The following ZNF804B variants were observed in gnomAD, a reference collection of about 807,000 sequenced individuals.
ZNF804B encodes the protein zinc finger protein 804B.
A neutral mutation model predicts 101.4 loss-of-function variants in ZNF804B; 80 were observed. That is an observed-to-expected ratio of 0.79 (90% confidence interval 0.66 to 0.95). The LOEUF (loss-of-function observed/expected upper bound fraction) is 0.95. Among genes scored for constraint, ZNF804B ranks in the 40% least tolerant of loss-of-function variants. ZNF804B has a pLI of 0.00. For synonymous variants in ZNF804B, 622 were observed against 558.8 expected (o/e 1.11, Z -1.59); for missense variants, 1,673 against 1,561.9 (o/e 1.07, Z -1.20).
At chr7:89,137,603 G>C (rs749341054) in intron 1 of ZNF804B, among the ~76,000 whole-genome samples, 3 of 152,118 alleles carry the variant, frequency 2.0e-5, no homozygotes, top group Non-Finnish European at 4.4e-5. Flanking sequence ...TTTAAGAGGT[G>C]ACTTGGGTGC....
intron 2 of ZNF804B, among the ~76,000 whole-genome samples, chr7:89,294,753 C>CAT (rs1410533296): frequency 1.3e-5 from 2 of 151,800 alleles, no homozygotes; most frequent in African/African-American, 2.4e-5. Context: ...TACTATTTTT[C>CAT]ATATATATTA....
chr7:89,173,783 C>G (rs1791275836), intron 1 of ZNF804B, among the ~76,000 whole-genome samples: 1 of 151,814 alleles, frequency 6.6e-6, no homozygotes, highest in Non-Finnish European at 1.5e-5. Flanking sequence ...AGCTGTATAT[C>G]TAATCAACAC....
intron 1 of ZNF804B, among the ~76,000 whole-genome samples, chr7:88,860,427 G>A (rs1436686644): frequency 6.6e-6 from 1 of 151,900 alleles, no homozygotes; most frequent in Non-Finnish European, 1.5e-5. Flanking sequence ...GGATTTATTT[G>A]CATATTTTTA....
At chr7:88,840,253 T>G (rs2115803032) in intron 1 of ZNF804B, among the ~76,000 whole-genome samples, 1 of 152,246 alleles carries the variant, frequency 6.6e-6, no homozygotes, top group Non-Finnish European at 1.5e-5. Flanking sequence ...CTTCAATCAG[T>G]TGTTCATCTA....
intron 1 of ZNF804B, among the ~76,000 whole-genome samples, chr7:89,155,689 C>A (rs1395165436): frequency 6.6e-6 from 1 of 152,128 alleles, no homozygotes; most frequent in Admixed American, 6.5e-5. Context: ...ACTTCAAGCA[C>A]CCTGAATTCT....
At chr7:89,014,034 T>C (rs1232691660) in intron 1 of ZNF804B, among the ~76,000 whole-genome samples, 1 of 152,178 alleles carries the variant, frequency 6.6e-6, no homozygotes, top group Non-Finnish European at 1.5e-5. Flanking sequence ...AGATATGTCT[T>C]TGATATTTTT....
intron 2 of ZNF804B, among the ~76,000 whole-genome samples, chr7:89,256,536 C>T (rs1789633835): frequency 6.7e-6 from 1 of 149,272 alleles, no homozygotes; most frequent in African/African-American, 2.5e-5. Flanking sequence ...CAGAGCAAGA[C>T]TGTCAAAAAA....
At chr7:89,270,939 T>C (rs1328242751) in intron 2 of ZNF804B, among the ~76,000 whole-genome samples, 5 of 152,216 alleles carry the variant, frequency 3.3e-5, no homozygotes, top group Non-Finnish European at 5.9e-5. Context: ...TTTGCTGAAG[T>C]TGCTTGTCAG....
At chr7:89,043,287 G>A (rs567819125) in intron 1 of ZNF804B, among the ~76,000 whole-genome samples, 54 of 152,248 alleles carry the variant, frequency 3.5e-4, no homozygotes, top group African/African-American at 1.3e-3. Flanking sequence ...TGACTCAGTC[G>A]CATCACTTAA....
chr7:89,312,819 G>GAA (rs112158486), intron 2 of ZNF804B, among the ~76,000 whole-genome samples: 5 of 96,386 alleles, frequency 5.2e-5, no homozygotes, highest in African/African-American at 1.8e-4. Flanking sequence ...ATCAAGAAAA[G>GAA]AAAAAAAAAA....
chr7:89,074,291 T>C (rs1331019758), intron 1 of ZNF804B, among the ~76,000 whole-genome samples: 3 of 152,198 alleles, frequency 2.0e-5, no homozygotes, highest in Non-Finnish European at 4.4e-5. Context: ...AAAAAATCAA[T>C]AATATAGTTT....
At chr7:88,877,156 T>C (rs11971650) in intron 1 of ZNF804B, among the ~76,000 whole-genome samples, 60,621 of 140,358 alleles carry the variant, frequency 0.43, 14,324 homozygotes, top group African/African-American at 0.63. Flanking sequence ...ACCTCCCAGG[T>C]TCAAGTGATT....
chr7:89,169,272 A>G (rs1158153250), intron 1 of ZNF804B, among the ~76,000 whole-genome samples: 1 of 152,086 alleles, frequency 6.6e-6, no homozygotes, highest in Admixed American at 6.6e-5. Context: ...GATTTAATAG[A>G]GTGAAAACAG....
intron 1 of ZNF804B, among the ~76,000 whole-genome samples, chr7:88,935,301 C>A (rs968792308): frequency 6.6e-6 from 1 of 150,576 alleles, no homozygotes; most frequent in Non-Finnish European, 1.5e-5. Context: ...TCAGAAATCA[C>A]CACTAAAGAA....
intron 1 of ZNF804B, among the ~76,000 whole-genome samples, chr7:89,194,552 T>G (rs11975757): frequency 6.7e-6 from 1 of 148,154 alleles, no homozygotes; most frequent in East Asian, 1.9e-4. Context: ...TTTCCCAGCA[T>G]CATTTATTAA....
At chr7:88,777,846 T>TAAAAAA (rs3084379) in intron 1 of ZNF804B, among the ~76,000 whole-genome samples, 2 of 107,586 alleles carry the variant, frequency 1.9e-5, no homozygotes, top group African/African-American at 3.5e-5. Flanking sequence ...AGACTCCATC[T>TAAAAAA]AAAAAAAAAA....
At chr7:89,046,931 T>C (rs1667768730) in intron 1 of ZNF804B, among the ~76,000 whole-genome samples, 1 of 152,164 alleles carries the variant, frequency 6.6e-6, no homozygotes, top group Non-Finnish European at 1.5e-5. Flanking sequence ...TTATTTATTT[T>C]AATAGCTTTC....
At chr7:89,328,533 A>G (rs909680279) in intron 3 of ZNF804B, among the ~76,000 whole-genome samples, 1 of 151,868 alleles carries the variant, frequency 6.6e-6, no homozygotes. Context: ...CAACGCATAC[A>G]TTTGGTACTG....
Position 89,278,792 on chromosome 7 carries a change from C to A in ZNF804B, c.250-48552C>A, listed in dbSNP as rs1368136028. Reference sequence around the variant, plus strand: ...TTTGAAGTCAGGTAGCATGATGCCTCCAGCTTTGTTCTTTTGGCTTAGGAT... The same window carrying A: ...TTTGAAGTCAGGTAGCATGATGCCTACAGCTTTGTTCTTTTGGCTTAGGAT... On this transcript the variant is annotated intron_variant, in intron 2 of 3. Transcript: ENST00000333190. Among the ~76,000 whole-genome samples the A allele has an allele frequency of 7.6e-3, 1,141 of 151,118 alleles. 11 individuals are homozygous for A. The highest frequency in any genetic ancestry group is 0.026 in the African/African-American group (1,072 of 41,044).
Sources: allele counts gnomAD v4.1 joint callset (sites outside exome capture counted in the v4.1 genomes callset), GRCh38; gene constraint gnomAD v4.1.1; transcripts MANE v1.5; gene names NCBI Gene and HGNC (gene_info 2026-07-23, HGNC 2026-07-21).